The following ZAN variants were observed in gnomAD, a reference collection of about 807,000 sequenced individuals.
ZAN encodes zonadhesin, also known as zonadhesin (gene/pseudogene).
In ZAN, 260 loss-of-function variants were observed where a neutral mutation model predicts 286.2. The observed-to-expected ratio is 0.91, with a 90% CI of 0.82 to 1.01. The LOEUF (loss-of-function observed/expected upper bound fraction) is 1.01, where lower values mean the gene tolerates loss of function less well. Ranked by LOEUF, ZAN falls within the 50% of genes least tolerant of loss-of-function variation. The pLI is 0.00. For missense variants in ZAN, 3,410 were observed against 3,639.2 expected (o/e 0.94, Z 1.62); for synonymous variants, 1,368 against 1,417.5 (o/e 0.97, Z 0.79).
rs1234258214 is a variant in ZAN, at chr7:100,739,269, C to T, written c.766+656C>T. Among the ~76,000 whole-genome samples the T allele has an allele frequency of 2.2e-5, 3 of 136,628 alleles. 1 individual carries two copies. The highest frequency in any genetic ancestry group is 4.9e-5 in the Non-Finnish European group (3 of 61,612). The allele number at this position is 136,628 out of a possible 152,430, so 89.6% of individuals were successfully genotyped here. On this transcript the variant is annotated intron_variant, in intron 7 of 47. Coordinates refer to ENST00000613979, the MANE Select transcript of ZAN (RefSeq NM_003386.3). The stretch of plus-strand genomic sequence containing the variant: ...TCAAGTGGTCCACCTGCCTCAGCCT[C>T]CCAAATGCTGGGATTACAGCGTGAG...
chr7:100,784,205 A>G (rs1333665886), intron 35 of ZAN, among the ~76,000 whole-genome samples: 8 of 148,676 alleles, frequency 5.4e-5, no homozygotes, highest in South Asian at 2.1e-4. Context: ...TCTTGGCTCA[A>G]TGCAACCTCT....
rs114548311 is a variant in ZAN, at chr7:100,785,561, C to T, written c.6835-436C>T. On this transcript the variant is annotated intron_variant, in intron 36 of 47. Transcript: ENST00000613979. ...AGTTGTCTTTTGGATGACCAAATGA[C>T]ACTGTGGCTGCCTCTGGCCAGCATC... Among the ~76,000 whole-genome samples the T allele has an allele frequency of 9.1e-3, 1,386 of 152,128 alleles. 24 individuals carry two copies. The highest frequency in any genetic ancestry group is 0.031 in the African/African-American group (1,306 of 41,504).
In ZAN at chr7:100,736,913, GC is replaced by G; in HGVS notation, c.361del (p.His121ThrfsTer56). 1 of 1,494,804 alleles carries G rather than the reference GC, an allele frequency of 6.7e-7. No homozygotes were observed. The highest frequency in any genetic ancestry group is 9.1e-7 in the Non-Finnish European group (1 of 1,093,502). The allele number at this position is 1,494,804 out of a possible 1,614,324, so 92.6% of individuals were successfully genotyped here. ...GCAAGGCCCCCTCTGTGTGCACTTTGCCCACCACATGTTCGGGCTGTCTTGG... is the reference window on the plus strand; with the variant it reads ...GCAAGGCCCCCTCTGTGTGCACTTTGCCACCACATGTTCGGGCTGTCTTGG... ...WEQGPLCVHF[A>X]HHMFGLSWGA... is the part of the protein sequence containing the mutation. On this transcript the variant is annotated frameshift_variant, in exon 5 of 48. Transcript: ENST00000613979. LOFTEE classifies it high-confidence loss of function.
intron 45 of ZAN, among the ~76,000 whole-genome samples, chr7:100,795,914 T>A (rs1293169860): frequency 2.8e-4 from 40 of 142,478 alleles, no homozygotes; most frequent in African/African-American, 1.1e-3. Flanking sequence ...TAAAAAAAAA[T>A]AAAAAAATAA....
rs1584590677 is a variant in ZAN at position 100,764,906 on chromosome 7, C to T, written c.4268-446C>T. Among the ~76,000 whole-genome samples, 3 of 151,966 alleles carry T rather than the reference C, an allele frequency of 2.0e-5. No individual in the cohort carries two copies. In the East Asian group the frequency reaches 5.8e-4, roughly 29 times the overall value. ...AAAAAAAAAAAGTGTTTCTGTGCAG[C>T]CCAAGTCATCACACGCAGGCACACG... On this transcript the variant is annotated intron_variant, in intron 22 of 47. Transcript: ENST00000613979.
chr7:100,774,895 G>A (rs1810642401), intron 31 of ZAN, among the ~76,000 whole-genome samples: 1 of 148,508 alleles, frequency 6.7e-6, no homozygotes, highest in African/African-American at 2.5e-5. Context: ...ACCTCACCAC[G>A]CCTCCTAGCC....
intron 40 of ZAN, among the ~76,000 whole-genome samples, chr7:100,791,594 A>T (rs1038128912): frequency 3.2e-4 from 48 of 152,006 alleles, no homozygotes; most frequent in African/African-American, 1.2e-3. Context: ...TTTAGTAGAG[A>T]CAGGGTTTCA....
intron 38 of ZAN, 105 bp downstream of exon 38, chr7:100,788,241 G>A: frequency 7.2e-7 from 1 of 1,385,298 alleles, no homozygotes; most frequent in South Asian, 1.8e-5. Flanking sequence ...GTTTGTGGCA[G>A]GGGTGGGCTG....
chr7:100,764,004 C>G (rs1459056947), intron 21 of ZAN, 23 bp from the exon 22 acceptor site: 1 of 1,613,832 alleles, frequency 6.2e-7, no homozygotes, highest in East Asian at 2.2e-5. Context: ...CTGCATTCCC[C>G]CTGACTTGGT....
Position 100,746,646 on chromosome 7 carries a change from A to G in ZAN, c.875A>G (p.Tyr292Cys), listed in dbSNP as rs1808241081. 1.9e-6 allele frequency: 3 copies of G among 1,613,820 alleles called. No individual in the cohort carries two copies. Among genetic ancestry groups the G allele is most frequent in the Non-Finnish European group, 2.5e-6 (3 of 1,179,842 alleles). The change falls in exon 8 of 48, where the codon TAC becomes TGC. Residue 292 changes from tyrosine to cysteine, a missense_variant. Transcript: ENST00000613979. ...SSGCLSFSFH[Y>C]ILRGQSPGAA... ...GGCTGTCTGAGCTTTTCCTTCCACT[A>G]CATCCTCCGGGGCCAGTCTCCTGGT...
Position 100,740,098 on chromosome 7 carries a change from G to C in ZAN, c.766+1485G>C, listed in dbSNP as rs930055912. Among the ~76,000 whole-genome samples, 40 of 140,502 alleles carry C rather than the reference G, an allele frequency of 2.8e-4. 5 individuals carry two copies. Among genetic ancestry groups the C allele is most frequent in the African/African-American group, 1.0e-3 (40 of 38,462 alleles). The allele number at this position is 140,502 out of a possible 152,430, so 92.2% of individuals were successfully genotyped here. ...TGTGCAAAGGTCCTGAGGTAGCAGT[G>C]GGGCTGTCGGGGAAGGAGGGGATCA... On this transcript the variant is annotated intron_variant, in intron 7 of 47. Transcript: ENST00000613979.
At chr7:100,750,926 T>C (rs757312859) in intron 12 of ZAN, 30 bp downstream of exon 12, 17 of 1,520,788 alleles carry the variant, frequency 1.1e-5, no homozygotes, top group Non-Finnish European at 1.4e-5. Flanking sequence ...GTCCTGTCTG[T>C]GTGAGGTGAG....
chr7:100,787,297 T>A (rs924009444), intron 37 of ZAN, among the ~76,000 whole-genome samples: 5 of 150,800 alleles, frequency 3.3e-5, no homozygotes, highest in African/African-American at 7.3e-5. Context: ...GGGGTGGTGG[T>A]GCGCACCTAA....
chr7:100,791,630 C>T (rs947365220), intron 40 of ZAN, among the ~76,000 whole-genome samples: 2 of 152,220 alleles, frequency 1.3e-5, no homozygotes, highest in African/African-American at 4.8e-5. Context: ...TGGTCTCGAA[C>T]TCCTGACCTC....
chr7:100,747,843 T>G (rs1808337346), intron 9 of ZAN, among the ~76,000 whole-genome samples: 2 of 151,366 alleles, frequency 1.3e-5, no homozygotes, highest in African/African-American at 4.9e-5. Context: ...AATACAAAAA[T>G]TAGGCGGGCA....
chr7:100,748,870 A>T (rs1808413961), intron 11 of ZAN, among the ~76,000 whole-genome samples: 1 of 144,312 alleles, frequency 6.9e-6, no homozygotes. Flanking sequence ...TCTCTAGAAA[A>T]AAAAATTTTT....
chr7:100,749,446 C>G (rs1285576233), intron 11 of ZAN, among the ~76,000 whole-genome samples: 2 of 150,706 alleles, frequency 1.3e-5, no homozygotes, highest in Admixed American at 1.3e-4. Context: ...CGAGACCATC[C>G]TGGCTAACAC....
Position 100,786,008 on chromosome 7 carries a change from C to G in ZAN, c.6846C>G (p.Ser2282Arg). 1 of 1,613,800 alleles carries G rather than the reference C, an allele frequency of 6.2e-7. No homozygotes were observed. The highest frequency in any genetic ancestry group is 8.5e-7 in the Non-Finnish European group (1 of 1,179,858). The part of the protein sequence containing the change: ...AHGGSIPLGK[S>R]WVSSGCTEKC... ...TGTAACTTCTACAGCTGGGCAAGAGCTGGGTCTCCAGCGGTTGCACGGAGA... is the reference window on the plus strand; with the variant it reads ...TGTAACTTCTACAGCTGGGCAAGAGGTGGGTCTCCAGCGGTTGCACGGAGA... Residue 2282 changes from serine to arginine, a missense_variant, in exon 37 of 48, where the codon AGC becomes AGG. By Grantham distance (110) the Ser-to-Arg change is moderately radical. Coordinates refer to ENST00000613979, the MANE Select transcript of ZAN (RefSeq NM_003386.3).
chr7:100,757,209 A>G (rs1044920313), intron 15 of ZAN, among the ~76,000 whole-genome samples: 2 of 151,006 alleles, frequency 1.3e-5, no homozygotes, highest in African/African-American at 2.4e-5. Context: ...AGGCTGGTCT[A>G]TGAACTCCTG....
Sources: gnomAD v4.1 joint callset for allele counts (sites outside exome capture counted in the v4.1 genomes callset) on GRCh38, gnomAD v4.1.1 for gene constraint, MANE v1.5 for transcripts, NCBI Gene and HGNC (gene_info 2026-07-23, HGNC 2026-07-21) for gene names.